Variants in SLURP2 observed in about 807,000 individuals in gnomAD.
SLURP2 encodes secreted LY6/PLAUR domain containing 2.
SLURP2 carries 4 observed loss-of-function variants against 9.8 expected under a neutral mutation model. That is an observed-to-expected ratio of 0.41 (90% CI 0.20 to 0.94). The LOEUF (loss-of-function observed/expected upper bound fraction) is 0.94, where lower values mean the gene tolerates loss of function less well. Ranked by LOEUF, SLURP2 falls within the 40% of genes least tolerant of loss-of-function variation. The pLI, the probability that SLURP2 is intolerant of heterozygous loss-of-function variation, is 0.32. For synonymous variants in SLURP2, 58 were observed against 56.2 expected (o/e 1.03, Z -0.15); for missense variants, 118 against 126.4 (o/e 0.93, Z 0.32).
chr8:142,764,932 T>A, intron 2 of SLURP2, 104 bp downstream of exon 2: 1 of 1,174,954 alleles, frequency 8.5e-7, no homozygotes, highest in South Asian at 1.4e-5. Context: ...CCCACTATGC[T>A]TCTGACTTAC....
intron 1 of SLURP2, among the ~76,000 whole-genome samples, chr8:142,765,467 G>T (rs1270054034): frequency 6.8e-6 from 1 of 146,640 alleles, no homozygotes; most frequent in East Asian, 2.2e-4. Flanking sequence ...GGGTCCCAGG[G>T]TGGGGGGTGG....
rs1430587927 is a variant in SLURP2, at chr8:142,768,880, G to C, written c.52+875C>G. Among the ~76,000 whole-genome samples, 2 of 152,124 alleles carry C rather than the reference G, an allele frequency of 1.3e-5. No individual in the cohort carries two copies. The highest frequency in any genetic ancestry group is 2.4e-5 in the African/African-American group (1 of 41,434). On this transcript the variant is annotated intron_variant, in intron 1 of 2. Transcript: ENST00000317543. This position sits in a 1 kb window ranked among gnomAD's most constrained non-coding sequence, Gnocchi z 4.8. ...GGGACTCACCGACGCTCCACCCCCT[G>C]CTCATTCAGGGCCTGGGAGGCAGGG...
In SLURP2 at chr8:142,769,800, G is replaced by C; in HGVS notation, c.7C>G (p.Leu3Val). 1.9e-6 allele frequency: 3 copies of C among 1,596,858 alleles called. No homozygotes were observed. The South Asian group carries it at 3.4e-5, about 18-fold the overall frequency. ...GCGGCCAGCAGGAGCCCAGTGCCGAGCTGCATGTTCTCCTGGTGAGGTCGG... is the reference window on the plus strand; with the variant it reads ...GCGGCCAGCAGGAGCCCAGTGCCGACCTGCATGTTCTCCTGGTGAGGTCGG... The part of the protein sequence containing the change: MQ[L>V]GTGLLLAAVL... The change falls in exon 1 of 3, where the codon CTC becomes GTC. Residue 3 changes from leucine (L) to valine (V), a missense_variant. Leu to Val is a conservative substitution (Grantham distance 32, BLOSUM62 1). Coordinates refer to ENST00000317543, the MANE Select transcript of SLURP2 (RefSeq NM_177458.3).
In SLURP2 at chr8:142,768,690, C is replaced by T. The variant is rs1175664710; in HGVS notation, c.52+1065G>A. On this transcript the variant is annotated intron_variant, in intron 1 of 2. Transcript: ENST00000317543. This position sits in a 1 kb window ranked among gnomAD's most constrained non-coding sequence, Gnocchi z 4.8. ...TACAAAGGCCTTCTCCAGGTTAAGTCGAGTCCCCAGGCCCCTGTGTGTCTC... is the reference window on the plus strand; with the variant it reads ...TACAAAGGCCTTCTCCAGGTTAAGTTGAGTCCCCAGGCCCCTGTGTGTCTC... 3.3e-5 allele frequency among the ~76,000 whole-genome samples: 5 copies of T among 152,154 alleles called. No homozygotes were observed. The highest frequency in any genetic ancestry group is 1.3e-4 in the Admixed American group (2 of 15,290).
At chr8:142,769,477 TGGAGA>T (rs1446598466) in intron 1 of SLURP2, among the ~76,000 whole-genome samples, 1 of 121,144 alleles carries the variant, frequency 8.3e-6, no homozygotes, top group African/African-American at 3.2e-5. Context: ...CGCGGTGGAC[TGGAGA>T]GGTCTGGGGG....
chr8:142,764,887 T>C (rs1243318766), intron 2 of SLURP2, 146 bp from the exon 3 acceptor site: 4 of 1,175,898 alleles, frequency 3.4e-6, no homozygotes, highest in Admixed American at 2.0e-5. Flanking sequence ...GGCCCTTTGC[T>C]CATACCCTTC....
At chr8:142,766,706 G>A (rs1815019987) in intron 1 of SLURP2, among the ~76,000 whole-genome samples, 1 of 152,102 alleles carries the variant, frequency 6.6e-6, no homozygotes, top group Non-Finnish European at 1.5e-5. Flanking sequence ...TCATTTCTCA[G>A]CCTCCAACTC....
rs1418568769 is a variant in SLURP2, at chr8:142,765,152, G to A, written c.53-12C>T. 1 of 1,600,360 alleles carries A rather than the reference G, an allele frequency of 6.2e-7. No individual in the cohort carries two copies. The highest frequency in any genetic ancestry group is 8.5e-7 in the Non-Finnish European group (1 of 1,172,914). ...GGCTTCGGCTGCAGCTGCGGACATG[G>A]GGACAGACAGGACACAAACGGATGG... On this transcript the variant is annotated splice_polypyrimidine_tract_variant and intron_variant, in intron 1 of 2. Coordinates refer to ENST00000317543, the MANE Select transcript of SLURP2 (RefSeq NM_177458.3).
chr8:142,764,811 T>C (rs587707237), intron 2 of SLURP2, 70 bp from the exon 3 acceptor site: 29 of 1,573,794 alleles, frequency 1.8e-5, no homozygotes, highest in Non-Finnish European at 2.0e-5. Flanking sequence ...CTGCCCCATC[T>C]GCCACTGAGC....
rs1198117279 is a variant in SLURP2 at position 142,765,214 on chromosome 8, G to A, written c.53-74C>T. ...GGGCCACCTTCTGCAGTGACGGCAC[G>A]CACTCATCTCCACCCAGCAGCCCAT... On this transcript the variant is annotated intron_variant, in intron 1 of 2. Transcript: ENST00000317543. 35 of 1,150,938 alleles carry A rather than the reference G, an allele frequency of 3.0e-5. No individual in the cohort carries two copies. In the East Asian group the frequency reaches 4.4e-4, roughly 14 times the overall value. 71.3% of individuals were successfully genotyped at this position (1,150,938 alleles called of 1,614,324 possible).
rs754648115 is a variant in SLURP2 at position 142,769,789 on chromosome 8, C to A, written c.18G>T (p.Gly6=). 2 of 1,599,058 alleles carry A rather than the reference C, an allele frequency of 1.3e-6. No homozygotes were observed. Among genetic ancestry groups the A allele is most frequent in the Admixed American group, 3.5e-5 (2 of 57,504 alleles). Reference sequence around the variant, plus strand: ...GGCTCAGGACGGCGGCCAGCAGGAGCCCAGTGCCGAGCTGCATGTTCTCCT... The same window carrying A: ...GGCTCAGGACGGCGGCCAGCAGGAGACCAGTGCCGAGCTGCATGTTCTCCT... The part of the protein sequence containing the change: MQLGT[G]LLLAAVLSLQ... The change falls in exon 1 of 3, where the codon GGG becomes GGT. Residue 6 remains glycine (G), a synonymous_variant. Transcript: ENST00000317543.
intron 2 of SLURP2, 117 bp from the exon 3 acceptor site, chr8:142,764,858 G>T: frequency 1.5e-6 from 2 of 1,333,262 alleles, no homozygotes; most frequent in Non-Finnish European, 2.1e-6. Flanking sequence ...AAGCATACGG[G>T]CCCTCCTGGG....
At chr8:142,769,634 G>A in intron 1 of SLURP2, 121 bp downstream of exon 1, 1 of 843,388 alleles carries the variant, frequency 1.2e-6, no homozygotes, top group Non-Finnish European at 1.9e-6. Context: ...CTGGTAGATG[G>A]TGGGGGGACA....
At position 142,764,831 on chromosome 8, in the gene SLURP2, G is replaced by A. The variant is rs1375324721; in HGVS notation, c.158-90C>T. On this transcript the variant is annotated intron_variant, in intron 2 of 2. Coordinates refer to ENST00000317543, the MANE Select transcript of SLURP2 (RefSeq NM_177458.3). The stretch of plus-strand genomic sequence containing the variant: ...CCATCTGCCACTGAGCTGAGGGTCA[G>A]ACGCCCCAGGTACATGAAGCATACG... The A allele has an allele frequency of 2.0e-6, 3 of 1,496,702 alleles. No individual in the cohort carries two copies. In the Admixed American group the frequency reaches 5.7e-5, roughly 28 times the overall value. The allele number at this position is 1,496,702 out of a possible 1,614,324, so 92.7% of individuals were successfully genotyped here.
At position 142,768,437 on chromosome 8, in the gene SLURP2, A is replaced by G. The variant is rs1815071845; in HGVS notation, c.52+1318T>C. Among the ~76,000 whole-genome samples, 1 of 151,976 alleles carries G rather than the reference A, an allele frequency of 6.6e-6. No individual in the cohort carries two copies. Among genetic ancestry groups the G allele is most frequent in the African/African-American group, 2.4e-5 (1 of 41,340 alleles). On this transcript the variant is annotated intron_variant, in intron 1 of 2. Transcript: ENST00000317543. The surrounding 1 kb of genome is among the most constrained non-coding windows in gnomAD (Gnocchi z 4.8). ...GACAGGGGATGCAGGTGCCCCTGAG[A>G]GAGGCTCGCCAGTCCTCCAACCGGA...
intron 2 of SLURP2, 115 bp from the exon 3 acceptor site, chr8:142,764,856 G>A (rs972423300): frequency 1.5e-5 from 20 of 1,330,734 alleles, no homozygotes; most frequent in African/African-American, 4.4e-5. Flanking sequence ...TGAAGCATAC[G>A]GGCCCTCCTG....
intron 1 of SLURP2, among the ~76,000 whole-genome samples, 160 bp downstream of exon 1, chr8:142,769,595 C>T (rs1027838913): frequency 6.8e-6 from 1 of 147,622 alleles, no homozygotes; most frequent in Non-Finnish European, 1.5e-5. Context: ...CCTGCAGGAT[C>T]GCAGGAGGCT....
At position 142,764,464 on chromosome 8, in the gene SLURP2, G is replaced by C. The variant is rs753934766; in HGVS notation, c.*141C>G. 6.6e-6 allele frequency: 6 copies of C among 907,680 alleles called. No homozygotes were observed. The highest frequency in any genetic ancestry group is 1.7e-5 in the African/African-American group (1 of 60,500). 56.2% of individuals were successfully genotyped at this position (907,680 alleles called of 1,614,324 possible). The stretch of plus-strand genomic sequence containing the variant: ...AAGACTCCACGCAGGACTTCCCTAG[G>C]ACAAGCGGTGCTGGACGGTGGCTGC... On this transcript the variant is annotated 3_prime_UTR_variant, in exon 3 of 3. Coordinates refer to ENST00000317543, the MANE Select transcript of SLURP2 (RefSeq NM_177458.3).
At position 142,764,521 on chromosome 8, in the gene SLURP2, G is replaced by A. The variant is rs780591067; in HGVS notation, c.*84C>T. On this transcript the variant is annotated 3_prime_UTR_variant, in exon 3 of 3. Coordinates refer to ENST00000317543, the MANE Select transcript of SLURP2 (RefSeq NM_177458.3). ...CGGGAGAGGTGGGCTGGCCAGTCTC[G>A]AGGGAGGGGCAGCTGTGAGCCCTGG... 13 of 1,423,782 alleles carry A rather than the reference G, an allele frequency of 9.1e-6. No individual in the cohort carries two copies. The highest frequency in any genetic ancestry group is 2.4e-5 in the South Asian group (2 of 82,844). The allele number at this position is 1,423,782 out of a possible 1,614,324, so 88.2% of individuals were successfully genotyped here.
Sources: gnomAD v4.1 joint callset for allele counts (sites outside exome capture counted in the v4.1 genomes callset) on GRCh38, gnomAD v4.1.1 for gene constraint, Gnocchi (gnomAD v3.1) non-coding constraint, MANE v1.5 for transcripts, NCBI Gene and HGNC (gene_info 2026-07-23, HGNC 2026-07-21) for gene names.